Variants in XPO5 observed in about 807,000 individuals in gnomAD.
The protein encoded by XPO5 is exportin-5.
Under a neutral mutation model 160.6 loss-of-function variants are expected in XPO5, and 46 were observed. The observed-to-expected ratio is 0.29, with a 90% CI of 0.23 to 0.37. The LOEUF (loss-of-function observed/expected upper bound fraction) is 0.37, where lower values mean the gene tolerates loss of function less well. Ranked by LOEUF, XPO5 falls within the 10% of genes least tolerant of loss-of-function variation. The pLI is 1.00. For synonymous variants in XPO5, 537 were observed against 519.3 expected (o/e 1.03, Z -0.46); for missense variants, 1,090 against 1,463.9 (o/e 0.74, Z 4.17).
intron 10 of XPO5, among the ~76,000 whole-genome samples, chr6:43,560,633 T>A (rs1762369193): frequency 6.6e-6 from 1 of 152,224 alleles, no homozygotes; most frequent in South Asian, 2.1e-4. Flanking sequence ...AATCAGACTT[T>A]TGTTTCAAAA....
Position 43,573,824 on chromosome 6 carries a change from T to TA in XPO5, c.106-224_106-223insT, listed in dbSNP as rs1491294581. 0.092 allele frequency among the ~76,000 whole-genome samples: 9,339 copies of TA among 102,008 alleles called. 240 individuals carry two copies. The highest frequency in any genetic ancestry group is 0.13 in the African/African-American group (2,161 of 16,286). The allele number at this position is 102,008 out of a possible 152,430, so 66.9% of individuals were successfully genotyped here. A position where few individuals can be genotyped will look rare whatever the true frequency, so the allele number is the denominator to read the frequency against. On this transcript the variant is annotated intron_variant, in intron 1 of 31. Coordinates refer to ENST00000265351, the MANE Select transcript of XPO5 (RefSeq NM_020750.3). Reference sequence around the variant, plus strand: ...TATTAAATATATATATATATATATATTTTTTTTTTTTTTTTTTGAGACGGA... The same window carrying TA: ...TATTAAATATATATATATATATATATATTTTTTTTTTTTTTTTTGAGACGGA...
In XPO5 at chr6:43,530,828, T is replaced by G. The variant is rs1179821664; in HGVS notation, c.2541-4A>C. On this transcript the variant is annotated splice_region_variant and splice_polypyrimidine_tract_variant and intron_variant, in intron 22 of 31. Coordinates refer to ENST00000265351, the MANE Select transcript of XPO5 (RefSeq NM_020750.3). ...TGCCTTCCCTAGGATATGAAAACTG[T>G]AAAGGGGAAAAAAAGAGCATTGAAA... 6.2e-7 allele frequency: 1 copy of G among 1,605,876 alleles called. No homozygotes were observed. Among genetic ancestry groups the G allele is most frequent in the East Asian group, 2.2e-5 (1 of 44,790 alleles).
At chr6:43,553,192 C>T (rs1795333096) in intron 14 of XPO5, among the ~76,000 whole-genome samples, 181 bp downstream of exon 14, 1 of 151,992 alleles carries the variant, frequency 6.6e-6, no homozygotes, top group Non-Finnish European at 1.5e-5. Context: ...GTTCTAGATC[C>T]TCAGGAGCCT....
chr6:43,532,327 T>C (rs2127709249), intron 21 of XPO5, among the ~76,000 whole-genome samples: 1 of 152,324 alleles, frequency 6.6e-6, no homozygotes, highest in East Asian at 1.9e-4. Flanking sequence ...ATCCTTCCTT[T>C]GGCTAACTTC....
chr6:43,561,334 C>G (rs1762404090), intron 9 of XPO5: 1 of 250,332 alleles, frequency 4.0e-6, no homozygotes, highest in Non-Finnish European at 7.8e-6. Context: ...TACCTATTCA[C>G]ATCTCTGTGT....
intron 21 of XPO5, chr6:43,533,648 G>A (rs1177022321): frequency 3.8e-6 from 1 of 266,280 alleles, no homozygotes; most frequent in African/African-American, 2.2e-5. Flanking sequence ...ACCAGCCTGG[G>A]CAACATAGCA....
At chr6:43,532,373 G>T (rs1446322962) in intron 21 of XPO5, among the ~76,000 whole-genome samples, 1 of 152,158 alleles carries the variant, frequency 6.6e-6, no homozygotes, top group African/African-American at 2.4e-5. Context: ...CTTGACCACA[G>T]CCGGGCTCAG....
intron 1 of XPO5, among the ~76,000 whole-genome samples, chr6:43,574,891 T>G (rs1402025593): frequency 6.6e-6 from 1 of 151,502 alleles, no homozygotes; most frequent in Non-Finnish European, 1.5e-5. Flanking sequence ...GACATCTACA[T>G]ATTGTAACAT....
intron 5 of XPO5, 53 bp downstream of exon 5, chr6:43,570,449 C>G (rs761238248): frequency 1.6e-5 from 24 of 1,528,358 alleles, no homozygotes; most frequent in Non-Finnish European, 2.1e-5. Context: ...TAAGATTAAT[C>G]AAAAACACTC....
At position 43,570,564 on chromosome 6, in the gene XPO5, C is replaced by G; in HGVS notation, c.559G>C (p.Glu187Gln). ...TTAAGCAGAAAACTGAAGATCCTTT[C>G]CATGTTCTGGGTTAATGTTTGCTGG... ...DIQQTLTQNM[E>Q]RIFSFLLNTL... Residue 187 changes from glutamate (E) to glutamine (Q), a missense_variant, in exon 5 of 32, where the codon GAA becomes CAA. By Grantham distance (29) the Glu-to-Gln change is conservative (BLOSUM62 2). Around this residue, in one of 3 missense-constraint regions of XPO5, gnomAD observed 110 missense variants for 97.9 expected, o/e 1.12. Transcript: ENST00000265351. The G allele has an allele frequency of 6.2e-7, 1 of 1,613,702 alleles. No individual in the cohort carries two copies. The highest frequency in any genetic ancestry group is 8.5e-7 in the Non-Finnish European group (1 of 1,179,812).
chr6:43,556,171 T>C (rs1391324349), intron 12 of XPO5: 20 of 564,640 alleles, frequency 3.5e-5, no homozygotes, highest in Non-Finnish European at 5.8e-5. Context: ...GAAACTGTAT[T>C]ACCAGCTAGA....
intron 25 of XPO5, 63 bp downstream of exon 25, chr6:43,528,095 CT>C: frequency 2.0e-6 from 3 of 1,518,592 alleles, no homozygotes; most frequent in Admixed American, 4.0e-5. Flanking sequence ...TGCCCGCTTC[CT>C]TTTCCCACCC....
At chr6:43,574,228 G>C (rs1003765407) in intron 1 of XPO5, among the ~76,000 whole-genome samples, 2 of 151,068 alleles carry the variant, frequency 1.3e-5, no homozygotes, top group African/African-American at 2.4e-5. Context: ...ACTTGAGCTC[G>C]AGAAATCAAG....
intron 17 of XPO5, among the ~76,000 whole-genome samples, chr6:43,548,729 T>C (rs1795085591): frequency 6.6e-6 from 1 of 150,814 alleles, no homozygotes; most frequent in Non-Finnish European, 1.5e-5. Context: ...TATATATATA[T>C]ATAGATATAT....
intron 27 of XPO5, 86 bp from the exon 28 acceptor site, chr6:43,526,007 C>A: frequency 6.7e-7 from 1 of 1,485,100 alleles, no homozygotes; most frequent in South Asian, 1.2e-5. Context: ...AAAAACAAAG[C>A]AAAGCTGAGT....
chr6:43,555,807 A>G, intron 13 of XPO5, 29 bp downstream of exon 13: 2 of 1,613,432 alleles, frequency 1.2e-6, no homozygotes, highest in South Asian at 2.2e-5. Context: ...CTAACATTTC[A>G]CTAACATTCA....
At chr6:43,553,347 A>G (rs1384274216) in intron 14 of XPO5, 26 bp downstream of exon 14, 6 of 1,596,186 alleles carry the variant, frequency 3.8e-6, no homozygotes, top group Non-Finnish European at 5.1e-6. Flanking sequence ...ATAATCATGC[A>G]GTCAGCATGG....
At chr6:43,570,412 T>C in intron 5 of XPO5, 90 bp downstream of exon 5, 8 of 1,105,040 alleles carry the variant, frequency 7.2e-6, no homozygotes, top group Non-Finnish European at 9.6e-6. Flanking sequence ...TTCATTTTGC[T>C]GACCTAGACA....
chr6:43,561,290 A>G (rs917318646), intron 9 of XPO5: 2 of 349,658 alleles, frequency 5.7e-6, no homozygotes, highest in Admixed American at 4.4e-5. Context: ...GAAATTACAG[A>G]AAGAAAAAAA....
Sources: gnomAD v4.1 joint callset for allele counts (sites outside exome capture counted in the v4.1 genomes callset) on GRCh38, gnomAD v4.1.1 for gene constraint, gnomAD v4.1.1 regional missense constraint, MANE v1.5 for transcripts, NCBI Gene and HGNC (gene_info 2026-07-23, HGNC 2026-07-21) for gene names.